Variants in KLF8 observed in about 807,000 individuals in gnomAD.
KLF8 encodes the protein KLF transcription factor 8, also known as Krueppel-like factor 8.
KLF8 carries 10 observed loss-of-function variants against 18.2 expected under a neutral mutation model. That is an observed-to-expected ratio of 0.55 (90% CI 0.34 to 0.93). The LOEUF (loss-of-function observed/expected upper bound fraction) is 0.93. KLF8 is among the 40% of genes least tolerant of loss of function. KLF8 has a pLI of 0.02. For missense variants in KLF8, 264 were observed against 277.9 expected, an observed-to-expected ratio of 0.95 and a Z score of 0.36; for synonymous variants, 109 against 97.3, an observed-to-expected ratio of 1.12 and a Z score of -0.71.
the KLF8 span, among the ~76,000 whole-genome samples, chrX:56,001,393 G>A: frequency 1.8e-5 from 2 of 111,474 alleles, no homozygotes; most frequent in Non-Finnish European, 3.8e-5. Flanking sequence ...GGAGGACGAG[G>A]CCCTCTTTCT....
chrX:56,233,258 T>TG lies in KLF8; in HGVS notation c.-76dup. ...GCGGGTGTGAGGGGAACAGCTCTCT[T>TG]GCGATCAGCTCAGGAGTATGAGCCT... is the stretch of plus-strand genomic sequence containing the variant. On this transcript the variant is annotated 5_prime_UTR_variant, in exon 1 of 6. An upstream open reading frame in the 5' UTR loses its in-frame stop. Coordinates refer to ENST00000468660, the MANE Select transcript of KLF8 (RefSeq NM_007250.5). The TG allele has an allele frequency of 1.7e-6, 2 of 1,177,731 alleles. No homozygotes were observed. Among genetic ancestry groups the TG allele is most frequent in the Non-Finnish European group, 2.3e-6 (2 of 866,355 alleles).
chrX:56,174,146 G>A, the KLF8 span, among the ~76,000 whole-genome samples: 1 of 111,720 alleles, frequency 9.0e-6, no homozygotes, highest in African/African-American at 3.2e-5. Flanking sequence ...AATAGGAGTG[G>A]TGAGAGAGGG....
the KLF8 span, among the ~76,000 whole-genome samples, chrX:55,939,455 C>A: frequency 9.0e-6 from 1 of 111,325 alleles, no homozygotes; most frequent in African/African-American, 3.3e-5. Context: ...CCTAACATCA[C>A]AATTAAAAGA....
the KLF8 span, among the ~76,000 whole-genome samples, chrX:56,040,126 C>G: frequency 2.7e-5 from 3 of 111,321 alleles, no homozygotes; most frequent in East Asian, 8.5e-4. Flanking sequence ...AGCTTTTGGG[C>G]TGAGACAATG....
rs370649966 is a variant in KLF8, at chrX:56,270,174, T to C, written c.759-8T>C. ...ACTGTTTGGCTTTATCTCTATTTCT[T>C]TGATCAGACCAGCAGCAATGGCCCA... On this transcript the variant is annotated splice_region_variant and splice_polypyrimidine_tract_variant and intron_variant, in intron 4 of 5. Transcript: ENST00000468660. 3.9e-4 allele frequency: 473 copies of C among 1,198,090 alleles called. No homozygotes were observed. Among genetic ancestry groups the C allele is most frequent in the Non-Finnish European group, 5.2e-4 (465 of 889,902 alleles).
chrX:56,093,682 G>A, the KLF8 span, among the ~76,000 whole-genome samples: 4 of 110,401 alleles, frequency 3.6e-5, no homozygotes, highest in South Asian at 1.5e-3. Flanking sequence ...TAACATAACA[G>A]TTTGCTCAAA....
At chrX:55,925,942 C>T in the KLF8 span, among the ~76,000 whole-genome samples, 14 of 111,759 alleles carry the variant, frequency 1.3e-4, no homozygotes, top group South Asian at 7.5e-4. Flanking sequence ...ACATGCAATA[C>T]GTAATAATCA....
At chrX:56,135,349 C>CTT in the KLF8 span, among the ~76,000 whole-genome samples, 1 of 111,444 alleles carries the variant, frequency 9.0e-6, no homozygotes, top group African/African-American at 3.3e-5. Context: ...GGCACATATA[C>CTT]ACCATGGAAT....
the KLF8 span, among the ~76,000 whole-genome samples, chrX:56,006,347 C>A: frequency 8.9e-6 from 1 of 112,031 alleles, no homozygotes; most frequent in South Asian, 3.7e-4. Flanking sequence ...TTGCTGCAAT[C>A]CAGGAACAAG....
At chrX:56,116,634 G>GATATATAT in the KLF8 span, among the ~76,000 whole-genome samples, 744 of 78,078 alleles carry the variant, frequency 9.5e-3, 11 homozygotes, top group African/African-American at 0.019. Flanking sequence ...ATGATGTTCT[G>GATATATAT]ATATATATAT....
At chrX:56,093,905 ATGTGTG>A in the KLF8 span, among the ~76,000 whole-genome samples, 7,753 of 88,864 alleles carry the variant, frequency 0.087, 519 homozygotes, top group African/African-American at 0.22. Context: ...TATATATTAT[ATGTGTG>A]TGTGTGTGTG....
chrX:56,178,413 C>A, the KLF8 span, among the ~76,000 whole-genome samples: 1 of 111,975 alleles, frequency 8.9e-6, no homozygotes, highest in Non-Finnish European at 1.9e-5. Flanking sequence ...ATTGCAAAAA[C>A]TTTCTCCCAT....
the KLF8 span, among the ~76,000 whole-genome samples, chrX:55,919,798 A>G: frequency 2.0e-3 from 224 of 111,759 alleles, 1 homozygote; most frequent in African/African-American, 7.0e-3. Flanking sequence ...TGCTAGCTGA[A>G]GGCAAAGGTC....
the KLF8 span, among the ~76,000 whole-genome samples, chrX:55,990,515 G>A: frequency 1.8e-5 from 2 of 112,193 alleles, no homozygotes; most frequent in South Asian, 3.7e-4. Context: ...GCAGTTTTGA[G>A]TGAGTTTCTT....
the KLF8 span, among the ~76,000 whole-genome samples, chrX:56,040,734 G>A: frequency 1.0e-5 from 1 of 98,835 alleles, no homozygotes; most frequent in Non-Finnish European, 2.0e-5. Context: ...TGGCCTAATA[G>A]AATGAGTTAG....
the KLF8 span, among the ~76,000 whole-genome samples, chrX:56,000,477 G>T: frequency 0.02 from 1,098 of 54,739 alleles, 11 homozygotes; most frequent in African/African-American, 0.051. Context: ...CTTTTTCTTG[G>T]GGGGGGGGGG....
At chrX:56,063,400 G>A in the KLF8 span, among the ~76,000 whole-genome samples, 1 of 111,939 alleles carries the variant, frequency 8.9e-6, no homozygotes, top group East Asian at 2.8e-4. Flanking sequence ...TCTGTTGTTA[G>A]TTTTCCTTCT....
the KLF8 span, among the ~76,000 whole-genome samples, chrX:55,955,425 C>T: frequency 0.22 from 24,198 of 110,659 alleles, 5,435 homozygotes; most frequent in African/African-American, 0.69. Context: ...TTTTACTGTA[C>T]GTGTGATGAT....
At chrX:56,050,286 T>C in the KLF8 span, among the ~76,000 whole-genome samples, 5 of 112,054 alleles carry the variant, frequency 4.5e-5, no homozygotes, top group African/African-American at 9.7e-5. Context: ...GCTGTGATTT[T>C]AGTTATTTCT....
Sources: gnomAD v4.1 joint callset for allele counts (sites outside exome capture counted in the v4.1 genomes callset) on GRCh38, gnomAD v4.1.1 for gene constraint, MANE v1.5 for transcripts, NCBI Gene and HGNC (gene_info 2026-07-23, HGNC 2026-07-21) for gene names.